The following EDEM3 variants were observed in gnomAD, a reference collection of about 807,000 sequenced individuals.
The protein encoded by EDEM3 is ER degradation-enhancing alpha-mannosidase-like protein 3.
EDEM3 carries 60 observed loss-of-function variants against 110.2 expected under a neutral mutation model. That is an observed-to-expected ratio of 0.54 (90% CI 0.44 to 0.67). The LOEUF (loss-of-function observed/expected upper bound fraction) is 0.67, where lower values mean the gene tolerates loss of function less well. Among genes scored for constraint, EDEM3 ranks in the 30% least tolerant of loss-of-function variants. The pLI, the probability that EDEM3 is intolerant of heterozygous loss-of-function variation, is 0.00. For missense variants in EDEM3, 996 were observed against 1,121.0 expected, an observed-to-expected ratio of 0.89 and a Z score of 1.59; for synonymous variants, 352 against 382.9, an observed-to-expected ratio of 0.92 and a Z score of 0.94.
At chr1:184,718,562 C>T (rs1650683896) in intron 11 of EDEM3, among the ~76,000 whole-genome samples, 1 of 152,064 alleles carries the variant, frequency 6.6e-6, no homozygotes, top group African/African-American at 2.4e-5. Flanking sequence ...AGGCCATACA[C>T]ACATTTGGAA....
At chr1:184,735,330 T>G (rs1303278971) in intron 4 of EDEM3, among the ~76,000 whole-genome samples, 1 of 152,218 alleles carries the variant, frequency 6.6e-6, no homozygotes, top group Non-Finnish European at 1.5e-5. Context: ...GTGTCTGACT[T>G]AAGTGCTTAA....
chr1:184,730,881 T>C (rs912917514), intron 6 of EDEM3, among the ~76,000 whole-genome samples: 1 of 150,620 alleles, frequency 6.6e-6, no homozygotes, highest in Non-Finnish European at 1.5e-5. Flanking sequence ...AAAAAAAACT[T>C]AGAGACTCTG....
intron 2 of EDEM3, among the ~76,000 whole-genome samples, chr1:184,741,187 C>G (rs1652116779): frequency 6.6e-6 from 1 of 152,108 alleles, no homozygotes; most frequent in Non-Finnish European, 1.5e-5. Flanking sequence ...CACCTGAAGT[C>G]AGGAGTTCGA....
chr1:184,721,508 T>C, intron 8 of EDEM3, 122 bp from the exon 9 acceptor site: 4 of 580,046 alleles, frequency 6.9e-6, no homozygotes, highest in Non-Finnish European at 8.7e-6. Flanking sequence ...ACTACACCAG[T>C]TTAGATTTGC....
intron 19 of EDEM3, among the ~76,000 whole-genome samples, chr1:184,696,126 G>C (rs943620244): frequency 6.6e-6 from 1 of 151,556 alleles, no homozygotes; most frequent in Admixed American, 6.6e-5. Context: ...ATCAAATAAC[G>C]AGAAAAAAAA....
intron 1 of EDEM3, among the ~76,000 whole-genome samples, chr1:184,752,393 T>C (rs895021864): frequency 2.6e-5 from 4 of 152,204 alleles, no homozygotes; most frequent in African/African-American, 7.2e-5. Flanking sequence ...GTAAACCTAA[T>C]GAATCAAAGT....
At chr1:184,712,655 T>C in intron 13 of EDEM3, 57 bp from the exon 14 acceptor site, 1 of 1,205,904 alleles carries the variant, frequency 8.3e-7, no homozygotes, top group Non-Finnish European at 1.1e-6. Flanking sequence ...AAATGCCAAC[T>C]ATATGAAAGC....
At chr1:184,719,286 G>A (rs768100680) in intron 10 of EDEM3, 41 bp from the exon 11 acceptor site, 1 of 1,501,018 alleles carries the variant, frequency 6.7e-7, no homozygotes, top group East Asian at 2.3e-5. Flanking sequence ...TAAAATATGA[G>A]CTGATTTTAT....
At chr1:184,695,030 G>A (rs1370981283) in intron 19 of EDEM3, among the ~76,000 whole-genome samples, 1 of 151,944 alleles carries the variant, frequency 6.6e-6, no homozygotes, top group Non-Finnish European at 1.5e-5. Context: ...CAAGAACTGA[G>A]ATTATTCATA....
intron 4 of EDEM3, among the ~76,000 whole-genome samples, chr1:184,734,879 T>C (rs1022815409): frequency 2.0e-5 from 3 of 152,236 alleles, no homozygotes. Context: ...ATGAGGACTT[T>C]GAAGCTACCA....
chr1:184,701,760 T>G (rs796201710), intron 19 of EDEM3, among the ~76,000 whole-genome samples: 4 of 152,276 alleles, frequency 2.6e-5, no homozygotes, highest in African/African-American at 7.2e-5. Flanking sequence ...CATCTATACA[T>G]TGTTATATAC....
chr1:184,712,658 A>C, intron 13 of EDEM3, 60 bp from the exon 14 acceptor site: 1 of 1,180,444 alleles, frequency 8.5e-7, no homozygotes, highest in Non-Finnish European at 1.2e-6. Context: ...TGCCAACTAT[A>C]TGAAAGCCAT....
intron 2 of EDEM3, among the ~76,000 whole-genome samples, chr1:184,747,350 AGT>A (rs1301275624): frequency 6.6e-6 from 1 of 152,226 alleles, no homozygotes; most frequent in African/African-American, 2.4e-5. Flanking sequence ...GAAAGCTAAA[AGT>A]GTTTCTGAGT....
intron 3 of EDEM3, among the ~76,000 whole-genome samples, chr1:184,737,312 T>C (rs1651883978): frequency 1.3e-5 from 2 of 152,174 alleles, no homozygotes. Flanking sequence ...AATGAAAATA[T>C]TAAAACATCA....
intron 13 of EDEM3, among the ~76,000 whole-genome samples, chr1:184,716,535 T>C (rs1650556188): frequency 6.6e-6 from 1 of 152,134 alleles, no homozygotes; most frequent in African/African-American, 2.4e-5. Flanking sequence ...TCATTCCTCA[T>C]CTTGGTAATT....
At chr1:184,750,576 G>A (rs571964350) in intron 1 of EDEM3, among the ~76,000 whole-genome samples, 2 of 150,126 alleles carry the variant, frequency 1.3e-5, no homozygotes, top group East Asian at 3.9e-4. Context: ...GCAGTGGCAC[G>A]ATCTCAGCTC....
chr1:184,706,375 AT>A (rs934887645), intron 18 of EDEM3, among the ~76,000 whole-genome samples: 6 of 152,096 alleles, frequency 3.9e-5, no homozygotes, highest in Admixed American at 1.3e-4. Flanking sequence ...ATGGTACTGA[AT>A]TTTTTTACTA....
chr1:184,700,238 A>T (rs1332450705), intron 19 of EDEM3, among the ~76,000 whole-genome samples: 1 of 151,958 alleles, frequency 6.6e-6, no homozygotes, highest in Non-Finnish European at 1.5e-5. Context: ...TATCAGAAGA[A>T]GAAGACAGGA....
At position 184,717,588 on chromosome 1, in the gene EDEM3, T is replaced by C. The variant is rs550606090; in HGVS notation, c.1197A>G (p.Gln399=). ...CTGCAAATTCTGGCCTTAAAGGATG[T>C]TGAGCCCAGTGTACTCTGAAATCTG... is the stretch of plus-strand genomic sequence containing the variant. ...FTTDFRVHWA[Q]HPLRPEFAES... is the part of the protein sequence containing the mutation. The change falls in exon 12 of 20, where the codon CAA becomes CAG. Residue 399 remains glutamine (Q), a synonymous_variant. Transcript: ENST00000318130. 6.2e-7 allele frequency: 1 copy of C among 1,607,160 alleles called. No homozygotes were observed. Among genetic ancestry groups the C allele is most frequent in the Admixed American group, 1.7e-5 (1 of 58,690 alleles).
Sources: gnomAD v4.1 joint callset for allele counts (sites outside exome capture counted in the v4.1 genomes callset) on GRCh38, gnomAD v4.1.1 for gene constraint, MANE v1.5 for transcripts, NCBI Gene and HGNC (gene_info 2026-07-23, HGNC 2026-07-21) for gene names.